The following CPED1 variants were observed in gnomAD, a reference collection of about 807,000 sequenced individuals.
CPED1 encodes cadherin like and PC-esterase domain containing 1.
CPED1 carries 114 observed loss-of-function variants against 128.2 expected under a neutral mutation model. The ratio of observed to expected loss-of-function variants is 0.89; its 90% CI spans 0.76 to 1.04. The LOEUF (loss-of-function observed/expected upper bound fraction) is 1.04, where lower values mean the gene tolerates loss of function less well. CPED1 is among the 50% of genes least tolerant of loss of function. CPED1 has a pLI of 0.00. For missense variants in CPED1, 1,211 were observed against 1,207.1 expected, an observed-to-expected ratio of 1.00 and a Z score of -0.05; for synonymous variants, 462 against 426.7, an observed-to-expected ratio of 1.08 and a Z score of -1.02.
chr7:121,061,213 G>A (rs961293194), intron 4 of CPED1: 2 of 961,000 alleles, frequency 2.1e-6, no homozygotes, highest in African/African-American at 3.5e-5. Context: ...AGGTATATTG[G>A]GATAGAAATC....
At chr7:121,016,188 C>T (rs111293287) in intron 3 of CPED1, among the ~76,000 whole-genome samples, 10 of 152,258 alleles carry the variant, frequency 6.6e-5, no homozygotes, top group African/African-American at 2.4e-4. Context: ...AAGAAAATTG[C>T]AGCTTCATCT....
chr7:121,019,894 T>G (rs1792393012), intron 3 of CPED1, among the ~76,000 whole-genome samples: 1 of 152,054 alleles, frequency 6.6e-6, no homozygotes. Flanking sequence ...TGCTGTTTAG[T>G]AAATCAATGC....
At chr7:121,292,199 T>C (rs1792718904) in intron 22 of CPED1, among the ~76,000 whole-genome samples, 1 of 152,076 alleles carries the variant, frequency 6.6e-6, no homozygotes, top group African/African-American at 2.4e-5. Flanking sequence ...TTGGAGGCTT[T>C]GTTCATTCCT....
intron 16 of CPED1, among the ~76,000 whole-genome samples, chr7:121,222,400 G>A (rs941017804): frequency 7.2e-5 from 11 of 152,206 alleles, no homozygotes; most frequent in Non-Finnish European, 1.3e-4. Context: ...GATGCCTCCA[G>A]CTTTGTTCTT....
intron 3 of CPED1, among the ~76,000 whole-genome samples, chr7:121,022,953 T>G (rs1312798535): frequency 6.6e-6 from 1 of 152,044 alleles, no homozygotes. Flanking sequence ...CAAATTATTA[T>G]CTTTCCTATC....
intron 16 of CPED1, among the ~76,000 whole-genome samples, chr7:121,152,778 A>T (rs1796188238): frequency 6.6e-6 from 1 of 152,218 alleles, no homozygotes; most frequent in Non-Finnish European, 1.5e-5. Flanking sequence ...AGATTTTCAA[A>T]TTTCTTAAAT....
At chr7:121,003,876 G>A (rs41703) in intron 2 of CPED1, among the ~76,000 whole-genome samples, 38,140 of 152,068 alleles carry the variant, frequency 0.25, 5,326 homozygotes, top group African/African-American at 0.35. Context: ...GAATAGCCAT[G>A]AGGGTAATAA....
At chr7:121,182,033 T>G (rs1796907111) in intron 16 of CPED1, among the ~76,000 whole-genome samples, 1 of 152,086 alleles carries the variant, frequency 6.6e-6, no homozygotes, top group Non-Finnish European at 1.5e-5. Context: ...CTATATCAGC[T>G]GTCACACAAG....
At chr7:121,092,702 C>G (rs1414563167) in intron 5 of CPED1, among the ~76,000 whole-genome samples, 1 of 152,164 alleles carries the variant, frequency 6.6e-6, no homozygotes, top group Non-Finnish European at 1.5e-5. Flanking sequence ...GGGGTAGGAG[C>G]TTGTTCAGCT....
intron 16 of CPED1, among the ~76,000 whole-genome samples, chr7:121,152,077 C>T (rs1796172019): frequency 6.6e-6 from 1 of 152,120 alleles, no homozygotes; most frequent in Non-Finnish European, 1.5e-5. Flanking sequence ...TCACCCACAC[C>T]CTTTTATAGG....
chr7:121,010,977 G>T (rs1332546384), intron 2 of CPED1, among the ~76,000 whole-genome samples: 1 of 152,012 alleles, frequency 6.6e-6, no homozygotes, highest in Non-Finnish European at 1.5e-5. Context: ...TTCACCAGTG[G>T]GGAAAAGAAT....
At chr7:121,256,135 A>C (rs866914148) in intron 18 of CPED1, among the ~76,000 whole-genome samples, 12 of 148,882 alleles carry the variant, frequency 8.1e-5, no homozygotes, top group South Asian at 2.1e-4. Context: ...AAAACAAAAA[A>C]AAAAAACAAA....
At chr7:121,141,707 C>T (rs1250012746) in intron 15 of CPED1, among the ~76,000 whole-genome samples, 1 of 151,938 alleles carries the variant, frequency 6.6e-6, no homozygotes, top group African/African-American at 2.4e-5. Context: ...TAATGTGTGA[C>T]CCTGGCAGGT....
intron 4 of CPED1, among the ~76,000 whole-genome samples, chr7:121,047,670 C>T (rs1464104611): frequency 3.6e-4 from 4 of 11,236 alleles, no homozygotes; most frequent in Non-Finnish European, 7.0e-4. Context: ...TCTTCTTCTT[C>T]TTCTTCTTCT....
intron 5 of CPED1, among the ~76,000 whole-genome samples, chr7:121,081,926 A>G (rs1686858031): frequency 1.3e-5 from 2 of 152,162 alleles, no homozygotes; most frequent in Non-Finnish European, 2.9e-5. Context: ...CAGTTAATTC[A>G]TCCACATTAG....
intron 6 of CPED1, 56 bp downstream of exon 6, chr7:121,097,887 CAA>C: frequency 1.9e-6 from 3 of 1,590,794 alleles, no homozygotes; most frequent in Non-Finnish European, 2.6e-6. Flanking sequence ...AGACAGCTAA[CAA>C]GAGAAAAGCA....
chr7:121,143,691 T>C (rs564974319), intron 16 of CPED1, among the ~76,000 whole-genome samples: 1 of 152,140 alleles, frequency 6.6e-6, no homozygotes, highest in East Asian at 1.9e-4. Context: ...CCCTTTTTGG[T>C]GGAGCATTTT....
At chr7:121,265,576 A>G (rs1035255401) in intron 18 of CPED1, among the ~76,000 whole-genome samples, 2 of 152,066 alleles carry the variant, frequency 1.3e-5, no homozygotes, top group Non-Finnish European at 2.9e-5. Context: ...AGAATGAATT[A>G]AAAGACAGCC....
chr7:121,022,697 A>G (rs890296685), intron 3 of CPED1, among the ~76,000 whole-genome samples: 2 of 152,102 alleles, frequency 1.3e-5, no homozygotes, highest in African/African-American at 4.8e-5. Context: ...GTGTTGCCTA[A>G]GGATGCTCTC....
Sources: allele counts gnomAD v4.1 joint callset (sites outside exome capture counted in the v4.1 genomes callset), GRCh38; gene constraint gnomAD v4.1.1; transcripts MANE v1.5; gene names NCBI Gene and HGNC (gene_info 2026-07-23, HGNC 2026-07-21).